Variants in NALF1 observed in about 807,000 individuals in gnomAD.
The protein encoded by NALF1 is family with sequence similarity 155 member A.
Under a neutral mutation model 48.4 loss-of-function variants are expected in NALF1, and 3 were observed. That is an observed-to-expected ratio of 0.06 (90% CI 0.03 to 0.16). The LOEUF (loss-of-function observed/expected upper bound fraction) is 0.16. Ranked by LOEUF, NALF1 falls within the 10% of genes least tolerant of loss-of-function variation. The pLI, the probability that NALF1 is intolerant of heterozygous loss-of-function variation, is 1.00. For synonymous variants in NALF1, 262 were observed against 245.7 expected, an observed-to-expected ratio of 1.07 and a Z score of -0.62; for missense variants, 526 against 571.5, an observed-to-expected ratio of 0.92 and a Z score of 0.81.
chr13:107,365,436 ATC>A (rs1883136673), intron 1 of NALF1, among the ~76,000 whole-genome samples: 1 of 152,134 alleles, frequency 6.6e-6, no homozygotes, highest in African/African-American at 2.4e-5. Flanking sequence ...ACAAATACAC[ATC>A]TCTCAGTTCA....
chr13:107,396,115 C>T (rs893202510), intron 1 of NALF1, among the ~76,000 whole-genome samples: 1 of 152,110 alleles, frequency 6.6e-6, no homozygotes, highest in Non-Finnish European at 1.5e-5. Context: ...AATTGGGTGG[C>T]AGACAGGCAC....
rs545723872 is a variant in NALF1, at chr13:107,843,337, A to T, written c.915+22345T>A. The stretch of plus-strand genomic sequence containing the variant: ...GTCACACAGCTTTTAAATTGCAGGG[A>T]TGAAGTTTGAGGCTAGACATTCTGA... On this transcript the variant is annotated intron_variant, in intron 1 of 2. Transcript: ENST00000375915. Among the ~76,000 whole-genome samples the T allele has an allele frequency of 1.6e-4, 25 of 152,290 alleles. No individual in the cohort carries two copies. In the South Asian group the frequency reaches 2.3e-3, roughly 14 times the overall value.
intron 1 of NALF1, among the ~76,000 whole-genome samples, chr13:107,618,341 T>G (rs957465997): frequency 6.6e-6 from 1 of 152,188 alleles, no homozygotes; most frequent in African/African-American, 2.4e-5. Flanking sequence ...GTGGCTGCAG[T>G]GTTGTGAGCA....
At chr13:107,637,132 A>G (rs936670276) in intron 1 of NALF1, among the ~76,000 whole-genome samples, 20 of 151,948 alleles carry the variant, frequency 1.3e-4, no homozygotes, top group Admixed American at 2.6e-4. Context: ...ATAACACCTC[A>G]TTTTGCTTAA....
intron 1 of NALF1, among the ~76,000 whole-genome samples, chr13:107,380,683 C>G (rs1394590201): frequency 6.6e-6 from 1 of 152,004 alleles, no homozygotes; most frequent in Non-Finnish European, 1.5e-5. Context: ...TTTAAGAATA[C>G]ATACATTTTA....
chr13:107,710,126 T>C (rs1452117802), intron 1 of NALF1, among the ~76,000 whole-genome samples: 1 of 94,916 alleles, frequency 1.1e-5, no homozygotes, highest in Non-Finnish European at 2.4e-5. Flanking sequence ...TAAGAGAAAA[T>C]ACAAGAAAAG....
chr13:107,385,895 A>G (rs1454384228), intron 1 of NALF1, among the ~76,000 whole-genome samples: 1 of 152,168 alleles, frequency 6.6e-6, no homozygotes, highest in African/African-American at 2.4e-5. Flanking sequence ...GCTTTGTTAA[A>G]TCCAAACAAT....
chr13:107,853,825 A>T (rs551596131), intron 1 of NALF1, among the ~76,000 whole-genome samples: 2 of 152,346 alleles, frequency 1.3e-5, no homozygotes, highest in East Asian at 3.9e-4. Context: ...TTAAAACTTT[A>T]AAAAGTTTGA....
intron 1 of NALF1, among the ~76,000 whole-genome samples, chr13:107,779,615 A>G (rs546629970): frequency 1.3e-5 from 2 of 152,198 alleles, no homozygotes; most frequent in Non-Finnish European, 2.9e-5. Flanking sequence ...AAGTGCGTTG[A>G]TTCCTGGCTT....
intron 1 of NALF1, among the ~76,000 whole-genome samples, chr13:107,804,397 C>T (rs1878711046): frequency 6.7e-6 from 1 of 148,296 alleles, no homozygotes; most frequent in African/African-American, 2.5e-5. Flanking sequence ...GGCTGGAGCT[C>T]AGAGGCCATT....
chr13:107,465,191 AT>A (rs1884980880), intron 1 of NALF1, among the ~76,000 whole-genome samples: 1 of 152,010 alleles, frequency 6.6e-6, no homozygotes, highest in Non-Finnish European at 1.5e-5. Flanking sequence ...GAAGTTTTCA[AT>A]TTAGATTTTT....
At chr13:107,495,505 C>A (rs1440697109) in intron 1 of NALF1, among the ~76,000 whole-genome samples, 2 of 152,184 alleles carry the variant, frequency 1.3e-5, no homozygotes, top group Non-Finnish European at 2.9e-5. Flanking sequence ...AAATTCCATA[C>A]AGACTATACA....
At chr13:107,601,858 A>G (rs1408559814) in intron 1 of NALF1, among the ~76,000 whole-genome samples, 1 of 152,114 alleles carries the variant, frequency 6.6e-6, no homozygotes, top group Non-Finnish European at 1.5e-5. Flanking sequence ...CTTAAACCCA[A>G]TATCAGTTTT....
intron 1 of NALF1, among the ~76,000 whole-genome samples, chr13:107,423,489 C>G (rs1376766614): frequency 6.6e-6 from 1 of 152,072 alleles, no homozygotes; most frequent in Non-Finnish European, 1.5e-5. Context: ...TCCATCTTCT[C>G]TGGTGGGGAA....
chr13:107,634,738 G>C (rs1212552947), intron 1 of NALF1, among the ~76,000 whole-genome samples: 1 of 151,998 alleles, frequency 6.6e-6, no homozygotes, highest in Admixed American at 6.6e-5. Flanking sequence ...AATGTTGGGA[G>C]AATCAAGAAA....
chr13:107,463,666 C>T (rs1332785472), intron 1 of NALF1, among the ~76,000 whole-genome samples: 1 of 151,994 alleles, frequency 6.6e-6, no homozygotes, highest in Non-Finnish European at 1.5e-5. Flanking sequence ...ATGACAAAAG[C>T]CTTGTTACAG....
At chr13:107,656,415 C>T (rs1163378611) in intron 1 of NALF1, among the ~76,000 whole-genome samples, 1 of 152,104 alleles carries the variant, frequency 6.6e-6, no homozygotes, top group Non-Finnish European at 1.5e-5. Context: ...AAATGCTCAA[C>T]ATCACTAAAG....
At chr13:107,235,933 T>C (rs1024628664) in intron 1 of NALF1, among the ~76,000 whole-genome samples, 3 of 152,200 alleles carry the variant, frequency 2.0e-5, no homozygotes, top group Non-Finnish European at 4.4e-5. Flanking sequence ...TTTGGGGACA[T>C]GTTAAGGCAT....
intron 1 of NALF1, among the ~76,000 whole-genome samples, chr13:107,838,576 T>A (rs1017111964): frequency 6.6e-6 from 1 of 152,130 alleles, no homozygotes; most frequent in Non-Finnish European, 1.5e-5. Flanking sequence ...TGTATGAACA[T>A]GCATCCAGGC....
Sources: allele counts gnomAD v4.1 joint callset (sites outside exome capture counted in the v4.1 genomes callset), GRCh38; gene constraint gnomAD v4.1.1; transcripts MANE v1.5; gene names NCBI Gene and HGNC (gene_info 2026-07-23, HGNC 2026-07-21).